The following PIK3C2A variants were observed in gnomAD, a reference collection of about 807,000 sequenced individuals.
PIK3C2A encodes phosphatidylinositol-4-phosphate 3-kinase catalytic subunit type 2 alpha.
PIK3C2A carries 97 observed loss-of-function variants against 204.5 expected under a neutral mutation model. The ratio of observed to expected loss-of-function variants is 0.47; its 90% CI spans 0.40 to 0.56. The LOEUF (loss-of-function observed/expected upper bound fraction) is 0.56. PIK3C2A is among the 20% of genes least tolerant of loss of function. The probability of loss-of-function intolerance (pLI) is 0.00; values close to 1 mark genes in which losing one functional copy is unlikely to be tolerated. For missense variants in PIK3C2A, 1,735 were observed against 1,969.2 expected, an observed-to-expected ratio of 0.88 and a Z score of 2.25; for synonymous variants, 653 against 664.4, an observed-to-expected ratio of 0.98 and a Z score of 0.26.
At position 17,196,324 on chromosome 11, in the gene PIK3C2A, C is replaced by G. The variant is rs1852153820; in HGVS notation, c.-66+11524G>C. ...AGACACAGTCATGTGATCTGATTTA[C>G]ATTGCTCAAGATCCCTATTGTTCTG... On this transcript the variant is annotated intron_variant, in intron 1 of 32. Transcript: ENST00000691414. 2.0e-5 allele frequency among the ~76,000 whole-genome samples: 3 copies of G among 152,186 alleles called. No homozygotes were observed. In the South Asian group the frequency reaches 6.2e-4, roughly 32 times the overall value.
rs1248582949 is a variant in PIK3C2A, at chr11:17,092,005, T to C, written c.4633A>G (p.Arg1545Gly). ...LRDEKAEGIARSADAGSFSPT... is the reference protein window; with the variant it reads ...LRDEKAEGIAGSADAGSFSPT... ...AAAAAAATAATCTCACCTGCAGACCTAGCTATCCCTTCAGCTTTCTCATCA... is the reference window on the plus strand; with the variant it reads ...AAAAAAATAATCTCACCTGCAGACCCAGCTATCCCTTCAGCTTTCTCATCA... The change falls in exon 30 of 33, where the codon AGG (arginine) becomes GGG (glycine). Residue 1545 changes from arginine (R) to glycine (G), a missense_variant. By Grantham distance (125) the Arg-to-Gly change is moderately radical. Around this residue, in one of 6 missense-constraint regions of PIK3C2A, gnomAD observed 503 missense variants for 669.0 expected, o/e 0.75. Coordinates refer to ENST00000691414, the MANE Select transcript of PIK3C2A (RefSeq NM_002645.4). 2.5e-6 allele frequency: 4 copies of C among 1,603,702 alleles called. No homozygotes were observed. The Admixed American group carries it at 5.0e-5, about 20-fold the overall frequency.
intron 8 of PIK3C2A, chr11:17,138,274 A>G (rs967668490): frequency 2.1e-5 from 16 of 753,502 alleles, no homozygotes; most frequent in Non-Finnish European, 3.5e-5. Flanking sequence ...AGGCTAGGAA[A>G]GCCTATGAGG....
In PIK3C2A at chr11:17,200,927, C is replaced by T. The variant is rs374019531; in HGVS notation, c.-66+6921G>A. Among the ~76,000 whole-genome samples, 27 of 152,302 alleles carry T rather than the reference C, an allele frequency of 1.8e-4. No individual in the cohort carries two copies. The East Asian group carries it at 2.1e-3, about 12-fold the overall frequency. On this transcript the variant is annotated intron_variant, in intron 1 of 32. Transcript: ENST00000691414. ...TCAGATGAAACTAGGCGATTCAAGC[C>T]GGGCACGGTGGCTCATGCCTGTAAT...
intron 13 of PIK3C2A, among the ~76,000 whole-genome samples, chr11:17,126,634 A>C (rs1429623510): frequency 1.3e-5 from 2 of 152,178 alleles, no homozygotes; most frequent in African/African-American, 2.4e-5. Context: ...TAATAATAAT[A>C]ATCATCTCTC....
At chr11:17,133,943 A>G (rs937858288) in intron 11 of PIK3C2A, among the ~76,000 whole-genome samples, 2 of 152,018 alleles carry the variant, frequency 1.3e-5, no homozygotes, top group Non-Finnish European at 2.9e-5. Context: ...AAAAAATAAT[A>G]ATAATGAACG....
chr11:17,170,826 G>T (rs1035915394), intron 1 of PIK3C2A, among the ~76,000 whole-genome samples: 1 of 152,072 alleles, frequency 6.6e-6, no homozygotes. Flanking sequence ...ATGACTGGCC[G>T]GGCTCGGTGG....
intron 1 of PIK3C2A, among the ~76,000 whole-genome samples, chr11:17,187,048 C>CA (rs1377018978): frequency 3.3e-5 from 5 of 151,494 alleles, no homozygotes; most frequent in Admixed American, 6.6e-5. Context: ...GATCCTGTCT[C>CA]AAAAAAAAGA....
chr11:17,202,356 G>T (rs1685932), intron 1 of PIK3C2A, among the ~76,000 whole-genome samples: 86,716 of 151,490 alleles, frequency 0.57, 25,119 homozygotes, highest in East Asian at 0.82. Flanking sequence ...GGAGGCCAAG[G>T]TGGGCCCAGG....
intron 2 of PIK3C2A, among the ~76,000 whole-genome samples, chr11:17,167,543 C>T (rs1218024532): frequency 1.3e-5 from 2 of 152,300 alleles, no homozygotes; most frequent in South Asian, 2.1e-4. Context: ...ATCGCTTGAA[C>T]CTGGGAGGTG....
chr11:17,133,326 C>T (rs1849762758), intron 11 of PIK3C2A, among the ~76,000 whole-genome samples: 1 of 151,704 alleles, frequency 6.6e-6, no homozygotes, highest in Non-Finnish European at 1.5e-5. Flanking sequence ...AATGAAATAC[C>T]TTCAGATACC....
chr11:17,184,288 C>G (rs190893888), intron 1 of PIK3C2A, among the ~76,000 whole-genome samples: 1 of 150,938 alleles, frequency 6.6e-6, no homozygotes, highest in Non-Finnish European at 1.5e-5. Context: ...TTTCAGAAGA[C>G]GGCATTGTTA....
chr11:17,141,313 C>G (rs1459730527), intron 8 of PIK3C2A: 4 of 149,872 alleles, frequency 2.7e-5, no homozygotes, highest in Admixed American at 6.6e-5. Flanking sequence ...TCTCATTCAC[C>G]CAGACTGGAC....
At chr11:17,114,582 G>T (rs1332243756) in intron 19 of PIK3C2A, 117 bp from the exon 20 acceptor site, 4 of 558,108 alleles carry the variant, frequency 7.2e-6, no homozygotes, top group Non-Finnish European at 1.3e-5. Context: ...GTGAAAAAAA[G>T]GTTGTTACTA....
intron 12 of PIK3C2A, among the ~76,000 whole-genome samples, chr11:17,130,952 C>T (rs572709549): frequency 2.6e-5 from 4 of 151,972 alleles, no homozygotes; most frequent in Admixed American, 6.6e-5. Flanking sequence ...TTTGGGAGGC[C>T]GAGGTGGGCG....
chr11:17,128,787 A>G (rs1191080320), intron 13 of PIK3C2A, among the ~76,000 whole-genome samples: 1 of 152,232 alleles, frequency 6.6e-6, no homozygotes, highest in Non-Finnish European at 1.5e-5. Context: ...GATAAGGGAA[A>G]GAATCCCTAA....
chr11:17,123,897 T>C (rs760290035), intron 13 of PIK3C2A, among the ~76,000 whole-genome samples: 2 of 152,172 alleles, frequency 1.3e-5, no homozygotes, highest in Non-Finnish European at 2.9e-5. Context: ...ACGTAAGATA[T>C]ACAAAAGCAG....
In PIK3C2A at chr11:17,156,568, A is replaced by G. The variant is rs113075519; in HGVS notation, c.1066-939T>C. On this transcript the variant is annotated intron_variant, in intron 2 of 32. Transcript: ENST00000691414. Reference sequence around the variant, plus strand: ...TGGCTAATTTTTGTATTTTTTGTAGAGTCGGGGTTTTACCATGTTGCCCAG... The same window carrying G: ...TGGCTAATTTTTGTATTTTTTGTAGGGTCGGGGTTTTACCATGTTGCCCAG... 5.0e-3 allele frequency among the ~76,000 whole-genome samples: 756 copies of G among 152,114 alleles called. 8 individuals are homozygous for G. The highest frequency in any genetic ancestry group is 0.017 in the African/African-American group (709 of 41,470).
chr11:17,198,324 G>T, intron 1 of PIK3C2A, among the ~76,000 whole-genome samples: 1 of 150,844 alleles, frequency 6.6e-6, no homozygotes, highest in South Asian at 2.1e-4. Context: ...TGGCCAGGCT[G>T]GTCTCGAACT....
intron 8 of PIK3C2A, among the ~76,000 whole-genome samples, chr11:17,142,564 T>A (rs1850097825): frequency 6.6e-6 from 1 of 152,146 alleles, no homozygotes; most frequent in African/African-American, 2.4e-5. Context: ...CCTGTAATCT[T>A]AACACTTTGG....
Sources: gnomAD v4.1 joint callset for allele counts (sites outside exome capture counted in the v4.1 genomes callset) on GRCh38, gnomAD v4.1.1 for gene constraint, gnomAD v4.1.1 regional missense constraint, MANE v1.5 for transcripts, NCBI Gene and HGNC (gene_info 2026-07-23, HGNC 2026-07-21) for gene names.